EPB41L1: variants seen among roughly 807,000 people sequenced by gnomAD.
The protein encoded by EPB41L1 is band 4.1-like protein 1.
In EPB41L1, 29 loss-of-function variants were observed where a neutral mutation model predicts 97.8. The observed-to-expected ratio is 0.30, with a 90% CI of 0.22 to 0.40. The LOEUF is 0.40. Among genes scored for constraint, EPB41L1 ranks in the 10% least tolerant of loss-of-function variants. EPB41L1 has a pLI of 1.00. For synonymous variants in EPB41L1, 383 were observed against 459.2 expected, an observed-to-expected ratio of 0.83 and a Z score of 2.12; for missense variants, 812 against 1,162.3, an observed-to-expected ratio of 0.70 and a Z score of 4.38.
intron 1 of EPB41L1, among the ~76,000 whole-genome samples, chr20:36,163,446 G>A (rs1351936784): frequency 6.6e-6 from 1 of 152,116 alleles, no homozygotes; most frequent in African/African-American, 2.4e-5. Flanking sequence ...GAGGTTAAGG[G>A]GCTTCCTGAC....
At chr20:36,156,248 A>G (rs1164154187) in intron 1 of EPB41L1, among the ~76,000 whole-genome samples, 2 of 152,338 alleles carry the variant, frequency 1.3e-5, no homozygotes, top group African/African-American at 4.8e-5. Flanking sequence ...TGCAGAGCAC[A>G]GTCCCTGGGA....
rs2752899 is a variant in EPB41L1, at chr20:36,147,656, G to A, written c.-9-27895G>A. On this transcript the variant is annotated intron_variant, in intron 2 of 19. Transcript: ENST00000202028. Reference sequence around the variant, plus strand: ...AGGCACAGTGCCAGCACATAAGTGGGGACTCAGATGCTCTCTGCAATGGCG... The same window carrying A: ...AGGCACAGTGCCAGCACATAAGTGGAGACTCAGATGCTCTCTGCAATGGCG... 7.7e-3 allele frequency among the ~76,000 whole-genome samples: 1,171 copies of A among 152,298 alleles called. 8 individuals carry two copies. The highest frequency in any genetic ancestry group is 0.027 in the African/African-American group (1,127 of 41,558).
At chr20:36,167,966 A>G in intron 1 of EPB41L1, among the ~76,000 whole-genome samples, 1 of 152,148 alleles carries the variant, frequency 6.6e-6, no homozygotes, top group Middle Eastern at 3.2e-3. Context: ...ATGCTGACTC[A>G]TGCTAACCCT....
In EPB41L1 at chr20:36,207,737, A is replaced by G. The variant is rs1257514189; in HGVS notation, c.1669-1751A>G. 8 of 1,289,820 alleles carry G rather than the reference A, an allele frequency of 6.2e-6. No homozygotes were observed. The highest frequency in any genetic ancestry group is 6.2e-5 in the South Asian group (5 of 81,038). 79.9% of individuals were successfully genotyped at this position (1,289,820 alleles called of 1,614,324 possible). A position where few individuals can be genotyped will look rare whatever the true frequency, so the allele number is the denominator to read the frequency against. Reference sequence around the variant, plus strand: ...ACGGAACTAGAGCCCGTGTCCCCCAATTCAGGCTGTGAAACCACGCTGGCA... The same window carrying G: ...ACGGAACTAGAGCCCGTGTCCCCCAGTTCAGGCTGTGAAACCACGCTGGCA... On this transcript the variant is annotated intron_variant, in intron 14 of 21. Transcript: ENST00000338074. This position sits in a 1 kb window ranked among gnomAD's most constrained non-coding sequence, Gnocchi z 4.9.
chr20:36,163,687 G>C (rs888088668), intron 1 of EPB41L1, among the ~76,000 whole-genome samples: 1 of 152,134 alleles, frequency 6.6e-6, no homozygotes, highest in Non-Finnish European at 1.5e-5. Context: ...ACTAGCTCTC[G>C]GCCTGAATGA....
At chr20:36,156,000 T>C (rs6060827) in intron 1 of EPB41L1, among the ~76,000 whole-genome samples, 8,808 of 151,516 alleles carry the variant, frequency 0.058, 407 homozygotes, top group South Asian at 0.16. Context: ...TCCGCAGCTC[T>C]TGGAAGACAG....
chr20:36,178,773 C>T, intron 5 of EPB41L1, 101 bp downstream of exon 5: 1 of 1,310,068 alleles, frequency 7.6e-7, no homozygotes, highest in Non-Finnish European at 1.1e-6. Flanking sequence ...AAGTGCATTT[C>T]AGGCCAGGCG....
chr20:36,175,618 A>G lies in EPB41L1; in HGVS notation c.245A>G (p.Lys82Arg). The change falls in exon 3 of 22, where the codon AAG becomes AGG. Residue 82 changes from lysine to arginine, a missense_variant. Transcript: ENST00000338074. Reference sequence around the variant, plus strand: ...CTTTCGGAGAGGACCACGCCCAGCAAGGCCCAGAAATCGCCCCAGAAGATT... The same window carrying G: ...CTTTCGGAGAGGACCACGCCCAGCAGGGCCCAGAAATCGCCCCAGAAGATT... Reference protein sequence around the residue: ...DGLSERTTPSKAQKSPQKIAK... With the variant: ...DGLSERTTPSRAQKSPQKIAK... 6.2e-7 allele frequency: 1 copy of G among 1,614,248 alleles called. No homozygotes were observed. The highest frequency in any genetic ancestry group is 8.5e-7 in the Non-Finnish European group (1 of 1,180,036).
chr20:36,095,442 T>G (rs1233324066), intron 1 of EPB41L1, among the ~76,000 whole-genome samples: 1 of 152,196 alleles, frequency 6.6e-6, no homozygotes, highest in East Asian at 1.9e-4. Context: ...AACCCCTTCA[T>G]GTGTTTATCT....
upstream of EPB41L1, among the ~76,000 whole-genome samples, chr20:36,150,231 C>T (rs527266861): frequency 1.4e-4 from 22 of 152,054 alleles, no homozygotes; most frequent in African/African-American, 4.3e-4. Context: ...CCACCATGCC[C>T]GGCTAATTTT....
intron 15 of EPB41L1, among the ~76,000 whole-genome samples, chr20:36,211,803 G>A (rs780417928): frequency 3.9e-5 from 6 of 152,040 alleles, no homozygotes; most frequent in African/African-American, 4.8e-5. Context: ...ACAGTGAGCC[G>A]AGATCGCACC....
rs1024448843 is a variant in EPB41L1 at position 36,207,355 on chromosome 20, G to C, written c.1669-2133G>C. The C allele has an allele frequency of 6.2e-6, 8 of 1,288,638 alleles. No homozygotes were observed. In the Admixed American group the frequency reaches 1.8e-4, roughly 30 times the overall value. The allele number at this position is 1,288,638 out of a possible 1,614,324, so 79.8% of individuals were successfully genotyped here. A position where few individuals can be genotyped will look rare whatever the true frequency, so the allele number is the denominator to read the frequency against. On this transcript the variant is annotated intron_variant, in intron 14 of 21. Transcript: ENST00000338074. The surrounding 1 kb of genome is among the most constrained non-coding windows in gnomAD (Gnocchi z 4.9). The stretch of plus-strand genomic sequence containing the variant: ...TGAGGGGCGCATACCTCTGGGGTTT[G>C]GGTTCCCTTCAGGGAAGCGAAGGGA...
intron 1 of EPB41L1, chr20:36,109,997 A>G (rs2058336606): frequency 6.7e-6 from 1 of 148,966 alleles, no homozygotes; most frequent in Admixed American, 6.8e-5. Context: ...CCTGGAGTGC[A>G]ATGGCGCAAT....
intron 9 of EPB41L1, 34 bp downstream of exon 9, chr20:36,188,533 G>A (rs201231223): frequency 3.5e-5 from 50 of 1,445,846 alleles, no homozygotes; most frequent in Middle Eastern, 4.5e-4. Context: ...CCTCCTCACC[G>A]GAATCAACTA....
chr20:36,168,169 G>A (rs2060818762), intron 1 of EPB41L1, among the ~76,000 whole-genome samples: 3 of 152,212 alleles, frequency 2.0e-5, no homozygotes, highest in Admixed American at 2.0e-4. Context: ...GCCAGAAGGT[G>A]GTTAGGGTGT....
At position 36,107,583 on chromosome 20, in the gene EPB41L1, C is replaced by A. The variant is rs1357371756; in HGVS notation, c.-64-4843C>A. On this transcript the variant is annotated intron_variant, in intron 1 of 19. Coordinates refer to the EPB41L1 transcript ENST00000202028. ...GGTGCCTCATGCCTGTAATCCCAGCCCTTTGGGAGGCCGAGGTGGGCAGAT... is the reference window on the plus strand; with the variant it reads ...GGTGCCTCATGCCTGTAATCCCAGCACTTTGGGAGGCCGAGGTGGGCAGAT... Among the ~76,000 whole-genome samples the A allele has an allele frequency of 2.6e-5, 4 of 150,994 alleles. No homozygotes were observed. In the South Asian group the frequency reaches 8.4e-4, roughly 32 times the overall value.
chr20:36,130,245 T>G (rs968840623), intron 2 of EPB41L1, among the ~76,000 whole-genome samples: 6 of 123,638 alleles, frequency 4.9e-5, no homozygotes, highest in East Asian at 4.1e-4. Flanking sequence ...CCCAGCAGTG[T>G]TTTTTTTTTT....
At chr20:36,091,744 G>A (rs898731902) in intron 1 of EPB41L1, 1 of 152,142 alleles carries the variant, frequency 6.6e-6, no homozygotes, top group African/African-American at 2.4e-5. Context: ...TCATTATTCC[G>A]GGCACTTCTG....
rs777338272 is a variant in EPB41L1 at position 36,185,187 on chromosome 20, G to A, written c.637G>A (p.Ala213Thr). Reference protein sequence around the residue: ...GRLPCSFVTHALLGSYAVQAE... With the variant: ...GRLPCSFVTHTLLGSYAVQAE... Reference sequence around the variant, plus strand: ...GCTGCCATGCTCCTTTGTCACGCATGCCCTACTGGGCTCCTACGCTGTGCA... The same window carrying A: ...GCTGCCATGCTCCTTTGTCACGCATACCCTACTGGGCTCCTACGCTGTGCA... The change falls in exon 7 of 22, where the codon GCC becomes ACC. Residue 213 changes from alanine (A) to threonine (T), a missense_variant. Coordinates refer to ENST00000338074, the MANE Select transcript of EPB41L1 (RefSeq NM_012156.2). 1 of 1,613,506 alleles carries A rather than the reference G, an allele frequency of 6.2e-7. No homozygotes were observed. The highest frequency in any genetic ancestry group is 8.5e-7 in the Non-Finnish European group (1 of 1,180,044).
Sources: gnomAD v4.1 joint callset for allele counts (sites outside exome capture counted in the v4.1 genomes callset) on GRCh38, gnomAD v4.1.1 for gene constraint, Gnocchi (gnomAD v3.1) non-coding constraint, MANE v1.5 for transcripts, NCBI Gene and HGNC (gene_info 2026-07-23, HGNC 2026-07-21) for gene names.